Variants in TMEM65 observed in about 807,000 individuals in gnomAD.
TMEM65 encodes the protein transmembrane protein 65.
Under a neutral mutation model 25.4 loss-of-function variants are expected in TMEM65, and 22 were observed. That is an observed-to-expected ratio of 0.86 (90% confidence interval 0.62 to 1.23). The LOEUF (loss-of-function observed/expected upper bound fraction) is 1.23, where lower values mean the gene tolerates loss of function less well. Ranked by LOEUF, TMEM65 falls within the 50% of genes most tolerant of loss-of-function variation. The pLI, the probability that TMEM65 is intolerant of heterozygous loss-of-function variation, is 0.00. For missense variants in TMEM65, 262 were observed against 308.2 expected, an observed-to-expected ratio of 0.85 and a Z score of 1.12; for synonymous variants, 132 against 126.2, an observed-to-expected ratio of 1.05 and a Z score of -0.31.
intron 1 of TMEM65, among the ~76,000 whole-genome samples, chr8:124,342,864 A>G (rs1165641280): frequency 2.0e-5 from 3 of 152,176 alleles, no homozygotes; most frequent in Non-Finnish European, 2.9e-5. Flanking sequence ...GCACCTAATG[A>G]ATCATTTGAC....
intron 1 of TMEM65, among the ~76,000 whole-genome samples, chr8:124,359,736 T>A (rs1280403376): frequency 6.6e-6 from 1 of 151,510 alleles, no homozygotes; most frequent in Non-Finnish European, 1.5e-5. Flanking sequence ...AGCAAGACTC[T>A]GTTTCAAAAA....
At chr8:124,354,326 G>C (rs1210304906) in intron 1 of TMEM65, among the ~76,000 whole-genome samples, 1 of 152,166 alleles carries the variant, frequency 6.6e-6, no homozygotes, top group Non-Finnish European at 1.5e-5. Flanking sequence ...GGTGGAATTT[G>C]AATGACATCA....
rs1044927150 is a variant in TMEM65 at position 124,312,543 on chromosome 8, C to T, written c.*1417G>A. The T allele has an allele frequency of 3.9e-5, 5 of 127,464 alleles. No individual in the cohort carries two copies. Among genetic ancestry groups the T allele is most frequent in the Admixed American group, 1.7e-4 (2 of 11,770 alleles). 7.9% of individuals were successfully genotyped at this position (127,464 alleles called of 1,614,324 possible). ...ACAAATAACTTCAAAAGCCAAAATA[C>T]TATTTTAATTTTAAGTTTCTCTCCT... On this transcript the variant is annotated 3_prime_UTR_variant, in exon 7 of 7. Transcript: ENST00000297632.
Position 124,371,957 on chromosome 8 carries a change from G to C in TMEM65, c.201C>G (p.Asn67Lys). Residue 67 changes from asparagine (N) to lysine (K), a missense_variant, in exon 1 of 7, where the codon AAC (asparagine) becomes AAG (lysine). Physicochemically the swap from Asn to Lys is moderately conservative, Grantham distance 94 (BLOSUM62 0). Transcript: ENST00000297632. ...TGAAGTCGCGCGCGCCCTGCGCCGT[G>C]TTCAGCGCCTCCATGGGCTCCTTCT... ...HPKKEPMEAL[N>K]TAQGARDFIY... is the part of the protein sequence containing the mutation. 6.6e-7 allele frequency: 1 copy of C among 1,506,640 alleles called. No individual in the cohort carries two copies. 93.3% of individuals were successfully genotyped at this position (1,506,640 alleles called of 1,614,324 possible).
In TMEM65 at chr8:124,306,491, A is replaced by T. The variant is rs1386002236; in HGVS notation, c.*7469T>A. ...GCATATTTTGATAAATATATTGAAA[A>T]TTTTTTTGGAAATTTGCAACAATTT... On this transcript the variant is annotated 3_prime_UTR_variant, in exon 7 of 7. Transcript: ENST00000297632. The T allele has an allele frequency of 6.6e-6, 1 of 152,232 alleles. No homozygotes were observed. The highest frequency in any genetic ancestry group is 1.9e-4 in the East Asian group (1 of 5,194). 9.4% of individuals were successfully genotyped at this position (152,232 alleles called of 1,614,324 possible).
At chr8:124,335,115 T>C (rs1161781361) in intron 1 of TMEM65, among the ~76,000 whole-genome samples, 2 of 152,174 alleles carry the variant, frequency 1.3e-5, no homozygotes, top group South Asian at 2.1e-4. Context: ...TTCAGTGAAC[T>C]TCTAGTGGAA....
chr8:124,346,030 C>A (rs1290823825), intron 1 of TMEM65, among the ~76,000 whole-genome samples: 1 of 152,214 alleles, frequency 6.6e-6, no homozygotes, highest in East Asian at 1.9e-4. Context: ...CAGGCATAAG[C>A]CACCGTGCCC....
At chr8:124,352,526 AT>A (rs1814724675) in intron 1 of TMEM65, among the ~76,000 whole-genome samples, 2 of 151,044 alleles carry the variant, frequency 1.3e-5, no homozygotes, top group African/African-American at 4.8e-5. Context: ...ATAAAATAAA[AT>A]AAAATAAAAT....
chr8:124,326,192 C>A (rs573043779), intron 3 of TMEM65, among the ~76,000 whole-genome samples: 1 of 152,144 alleles, frequency 6.6e-6, no homozygotes, highest in African/African-American at 2.4e-5. Flanking sequence ...AAAGACCCCA[C>A]CTGGGAACTC....
At chr8:124,329,290 C>A (rs1471348911) in intron 2 of TMEM65, among the ~76,000 whole-genome samples, 1 of 151,432 alleles carries the variant, frequency 6.6e-6, no homozygotes, top group Non-Finnish European at 1.5e-5. Flanking sequence ...CTTCCAGAAC[C>A]AATACACATT....
intron 1 of TMEM65, among the ~76,000 whole-genome samples, chr8:124,371,090 T>G (rs1815005263): frequency 6.6e-6 from 1 of 152,248 alleles, no homozygotes; most frequent in Admixed American, 6.5e-5. Context: ...ACATGCTAGT[T>G]TAAAAATCGT....
chr8:124,347,960 G>A (rs533133351), intron 1 of TMEM65, among the ~76,000 whole-genome samples: 4 of 150,154 alleles, frequency 2.7e-5, no homozygotes, highest in East Asian at 2.0e-4. Flanking sequence ...GCGTGATCTC[G>A]GCTCACCGCA....
rs528366055 is a variant in TMEM65, at chr8:124,357,076, G to C, written c.304+14778C>G. On this transcript the variant is annotated intron_variant, in intron 1 of 6. Transcript: ENST00000297632. Reference sequence around the variant, plus strand: ...AGGATATCTTTTTTTTTTTTTTCCTGTCTCTCTGGACATTACTCCTCTCTC... The same window carrying C: ...AGGATATCTTTTTTTTTTTTTTCCTCTCTCTCTGGACATTACTCCTCTCTC... Among the ~76,000 whole-genome samples the C allele has an allele frequency of 3.5e-5, 5 of 142,602 alleles. No individual in the cohort carries two copies. In the South Asian group the frequency reaches 8.9e-4, roughly 25 times the overall value. The allele number at this position is 142,602 out of a possible 152,430, so 93.6% of individuals were successfully genotyped here.
Position 124,359,771 on chromosome 8 carries a change from G to A in TMEM65, c.304+12083C>T, listed in dbSNP as rs528767971. Reference sequence around the variant, plus strand: ...AAAAAAAGGAAAAAGACTATAAAGGGCAAATAAAAAGCTTAAACAACTAAT... The same window carrying A: ...AAAAAAAGGAAAAAGACTATAAAGGACAAATAAAAAGCTTAAACAACTAAT... On this transcript the variant is annotated intron_variant, in intron 1 of 6. Transcript: ENST00000297632. Among the ~76,000 whole-genome samples, 60 of 151,958 alleles carry A rather than the reference G, an allele frequency of 3.9e-4. 2 individuals are homozygous for A. In the South Asian group the frequency reaches 0.012, roughly 32 times the overall value.
chr8:124,371,162 G>A (rs975750514), intron 1 of TMEM65, among the ~76,000 whole-genome samples: 6 of 152,190 alleles, frequency 3.9e-5, no homozygotes, highest in Non-Finnish European at 7.3e-5. Flanking sequence ...CAGAGCCACA[G>A]ATTTCCAAAA....
In TMEM65 at chr8:124,371,748, C is replaced by A. The variant is rs1815017541; in HGVS notation, c.304+106G>T. On this transcript the variant is annotated intron_variant, in intron 1 of 6. Coordinates refer to ENST00000297632, the MANE Select transcript of TMEM65 (RefSeq NM_194291.3). ...ACAGGCGAGGGGGGCGGAAGGGGGG[C>A]GGCGGCGGGGGTCCAAGATCCAGGG... is the stretch of plus-strand genomic sequence containing the variant. The A allele has an allele frequency of 1.2e-5, 13 of 1,110,142 alleles. No individual in the cohort carries two copies. In the South Asian group the frequency reaches 1.7e-4, roughly 15 times the overall value. 68.8% of individuals were successfully genotyped at this position (1,110,142 alleles called of 1,614,324 possible). A position where few individuals can be genotyped will look rare whatever the true frequency, so the allele number is the denominator to read the frequency against.
At chr8:124,323,194 A>T (rs1317717086) in intron 4 of TMEM65, 127 bp downstream of exon 4, 1 of 548,274 alleles carries the variant, frequency 1.8e-6, no homozygotes, top group African/African-American at 2.0e-5. Context: ...GAAGAATAGG[A>T]TGAAGAAAAT....
intron 1 of TMEM65, among the ~76,000 whole-genome samples, chr8:124,366,801 T>G (rs186165055): frequency 6.6e-6 from 1 of 152,266 alleles, no homozygotes; most frequent in East Asian, 1.9e-4. Context: ...ACATACCCCG[T>G]AACTCTAAAG....
In TMEM65 at chr8:124,347,122, GAC is replaced by G. The variant is rs539740025; in HGVS notation, c.305-16332_305-16331del. ...GCCAAGTTATATACTTACAAAACCT[GAC>G]ATTCAAAATTGAAAAATGAATGTTA... On this transcript the variant is annotated intron_variant, in intron 1 of 6. Transcript: ENST00000297632. Among the ~76,000 whole-genome samples the G allele has an allele frequency of 2.6e-4, 40 of 152,098 alleles. 2 individuals carry two copies. The South Asian group carries it at 8.3e-3, about 32-fold the overall frequency.
Sources: gnomAD v4.1 joint callset for allele counts (sites outside exome capture counted in the v4.1 genomes callset) on GRCh38, gnomAD v4.1.1 for gene constraint, MANE v1.5 for transcripts, NCBI Gene and HGNC (gene_info 2026-07-23, HGNC 2026-07-21) for gene names.